The following ATRN variants were observed in gnomAD, a reference collection of about 807,000 sequenced individuals.
ATRN encodes attractin-2.
ATRN carries 54 observed loss-of-function variants against 178.7 expected under a neutral mutation model. The observed-to-expected ratio is 0.30, with a 90% CI of 0.24 to 0.38. The LOEUF (loss-of-function observed/expected upper bound fraction) is 0.38, where lower values mean the gene tolerates loss of function less well. ATRN is among the 10% of genes least tolerant of loss of function. ATRN has a pLI of 1.00. For synonymous variants in ATRN, 636 were observed against 663.0 expected, an observed-to-expected ratio of 0.96 and a Z score of 0.63; for missense variants, 1,443 against 1,815.1, an observed-to-expected ratio of 0.79 and a Z score of 3.73.
chr20:3,563,521 A>G (rs1338235108), intron 10 of ATRN, among the ~76,000 whole-genome samples, 158 bp downstream of exon 10: 1 of 152,266 alleles, frequency 6.6e-6, no homozygotes, highest in Non-Finnish European at 1.5e-5. Context: ...AATGTTACAC[A>G]TCTGGTAAAA....
intron 24 of ATRN, among the ~76,000 whole-genome samples, chr20:3,617,973 C>T (rs574524316): frequency 6.6e-5 from 10 of 152,208 alleles, no homozygotes; most frequent in Non-Finnish European, 1.3e-4. Context: ...CAGCAAGCCT[C>T]CTGCCTTCAC....
intron 19 of ATRN, among the ~76,000 whole-genome samples, chr20:3,592,991 A>C (rs1462361103): frequency 1.3e-5 from 2 of 152,246 alleles, no homozygotes; most frequent in Non-Finnish European, 2.9e-5. Context: ...AGTACCTAAC[A>C]GAGTGGTGGA....
Position 3,601,052 on chromosome 20 carries a change from C to T in ATRN, c.3643+28C>T, listed in dbSNP as rs114515438. On this transcript the variant is annotated intron_variant, in intron 23 of 28. Coordinates refer to ENST00000262919, the MANE Select transcript of ATRN (RefSeq NM_139321.3). ...AAAGACATACCTAGAGAAGACCCCG[C>T]AAATGAAGGTGTGGTAGATTAAGAA... is the stretch of plus-strand genomic sequence containing the variant. The T allele has an allele frequency of 4.4e-4, 685 of 1,548,926 alleles. 2 individuals carry two copies. In the African/African-American group the frequency reaches 8.2e-3, roughly 19 times the overall value.
At chr20:3,616,372 G>A (rs2086847169) in intron 24 of ATRN, among the ~76,000 whole-genome samples, 1 of 152,138 alleles carries the variant, frequency 6.6e-6, no homozygotes, top group African/African-American at 2.4e-5. Context: ...TTAGAAGCTC[G>A]GTGTTGGAGG....
At chr20:3,533,935 G>A (rs1008007544) in intron 1 of ATRN, among the ~76,000 whole-genome samples, 1 of 152,120 alleles carries the variant, frequency 6.6e-6, no homozygotes, top group East Asian at 1.9e-4. Flanking sequence ...GTGATTTCAG[G>A]CAAGAGCCAC....
At position 3,582,332 on chromosome 20, in the gene ATRN, T is replaced by G; in HGVS notation, c.2742T>G (p.Asn914Lys). ...CTGCAACCTGCATCAACCCACTCAATGGTAGTGTCTGTGAAAGGCCTGGTA... is the reference window on the plus strand; with the variant it reads ...CTGCAACCTGCATCAACCCACTCAAGGGTAGTGTCTGTGAAAGGCCTGGTA... Reference protein sequence around the residue: ...LKAATCINPLNGSVCERPANH... With the variant: ...LKAATCINPLKGSVCERPANH... Residue 914 changes from asparagine to lysine, a missense_variant, in exon 16 of 29, where the codon AAT becomes AAG. Physicochemically the swap from Asn to Lys is moderately conservative, Grantham distance 94. Coordinates refer to ENST00000262919, the MANE Select transcript of ATRN (RefSeq NM_139321.3). 6.2e-7 allele frequency: 1 copy of G among 1,612,222 alleles called. No homozygotes were observed. The highest frequency in any genetic ancestry group is 8.5e-7 in the Non-Finnish European group (1 of 1,179,990).
intron 24 of ATRN, among the ~76,000 whole-genome samples, chr20:3,604,803 C>T (rs2086657189): frequency 6.6e-6 from 1 of 152,196 alleles, no homozygotes; most frequent in African/African-American, 2.4e-5. Context: ...GTCTCCAGTT[C>T]TCTGTGCATG....
intron 24 of ATRN, among the ~76,000 whole-genome samples, chr20:3,605,933 A>T (rs2086671001): frequency 6.6e-6 from 1 of 152,038 alleles, no homozygotes; most frequent in African/African-American, 2.4e-5. Context: ...AAAGCAAGTT[A>T]TCACTCATCA....
chr20:3,624,367 A>G (rs2086920404), intron 24 of ATRN, 144 bp from the exon 25 acceptor site: 2 of 722,192 alleles, frequency 2.8e-6, no homozygotes, highest in Admixed American at 4.5e-5. Context: ...TAAAGGGGTG[A>G]GGTACTTTTC....
At chr20:3,566,211 T>TA (rs2086033832) in intron 11 of ATRN, among the ~76,000 whole-genome samples, 1 of 152,208 alleles carries the variant, frequency 6.6e-6, no homozygotes, top group South Asian at 2.1e-4. Context: ...AAGTTTAATA[T>TA]AGCTCAAGTC....
chr20:3,619,444 T>G (rs765718054), intron 24 of ATRN, among the ~76,000 whole-genome samples: 1 of 152,230 alleles, frequency 6.6e-6, no homozygotes, highest in Non-Finnish European at 1.5e-5. Context: ...CAGAGGCCAA[T>G]GAAAGGTCCT....
At chr20:3,617,880 A>G (rs2086864634) in intron 24 of ATRN, among the ~76,000 whole-genome samples, 1 of 152,158 alleles carries the variant, frequency 6.6e-6, no homozygotes, top group South Asian at 2.1e-4. Context: ...GACAGTCTCT[A>G]GAACACTCAG....
intron 1 of ATRN, among the ~76,000 whole-genome samples, chr20:3,513,180 G>C (rs2085160352): frequency 6.6e-6 from 1 of 152,112 alleles, no homozygotes; most frequent in Non-Finnish European, 1.5e-5. Context: ...TGAAGTCCTT[G>C]CCCATGCCTG....
Position 3,471,062 on chromosome 20 carries a change from GGT to G in ATRN, c.-37_-36del, listed in dbSNP as rs1555805319. The G allele has an allele frequency of 2.0e-6, 3 of 1,471,120 alleles. No individual in the cohort carries two copies. Among genetic ancestry groups the G allele is most frequent in the East Asian group, 3.0e-5 (1 of 33,464 alleles). 91.1% of individuals were successfully genotyped at this position (1,471,120 alleles called of 1,614,324 possible). ...CCAGGCGAAGCGGAGCCGGCCGTGC[GGT>G]GTGTGTGTATGTGTTCGCGGGGCGC... On this transcript the variant is annotated 5_prime_UTR_variant, in exon 1 of 29. Transcript: ENST00000262919.
intron 1 of ATRN, among the ~76,000 whole-genome samples, chr20:3,530,763 A>G (rs911976385): frequency 2.6e-5 from 4 of 152,158 alleles, no homozygotes; most frequent in African/African-American, 9.7e-5. Context: ...AAGGTACTTG[A>G]CCATAAAGAA....
intron 1 of ATRN, among the ~76,000 whole-genome samples, chr20:3,524,234 CAA>C (rs761056301): frequency 8.3e-4 from 80 of 96,182 alleles, no homozygotes; most frequent in Middle Eastern, 6.3e-3. Flanking sequence ...AAATGGAAGC[CAA>C]AAAAAAAAAA....
chr20:3,601,027 A>G lies in ATRN; in HGVS notation c.3643+3A>G. The stretch of plus-strand genomic sequence containing the variant: ...CACCTGGGCTGCCAGTTTCTCAGGT[A>G]AAGACATACCTAGAGAAGACCCCGC... On this transcript the variant is annotated splice_donor_region_variant and intron_variant, in intron 23 of 28. Transcript: ENST00000262919. 6.2e-7 allele frequency: 1 copy of G among 1,607,464 alleles called. No homozygotes were observed. Among genetic ancestry groups the G allele is most frequent in the Non-Finnish European group, 8.5e-7 (1 of 1,174,088 alleles).
intron 24 of ATRN, among the ~76,000 whole-genome samples, chr20:3,607,162 TG>T (rs1187860158): frequency 6.6e-6 from 1 of 152,278 alleles, no homozygotes; most frequent in East Asian, 1.9e-4. Flanking sequence ...TGAGATATTT[TG>T]ATACATGCAT....
At chr20:3,533,627 A>G (rs2085484414) in intron 1 of ATRN, among the ~76,000 whole-genome samples, 1 of 152,036 alleles carries the variant, frequency 6.6e-6, no homozygotes, top group Non-Finnish European at 1.5e-5. Flanking sequence ...ATGACAGAGC[A>G]ATAGTATAGA....
Sources: allele counts gnomAD v4.1 joint callset (sites outside exome capture counted in the v4.1 genomes callset), GRCh38; gene constraint gnomAD v4.1.1; transcripts MANE v1.5; gene names NCBI Gene and HGNC (gene_info 2026-07-23, HGNC 2026-07-21).